The following MCF2L variants were observed in gnomAD, a reference collection of about 807,000 sequenced individuals.
MCF2L encodes MCF.2 cell line derived transforming sequence like.
Under a neutral mutation model 153.4 loss-of-function variants are expected in MCF2L, and 97 were observed. The ratio of observed to expected loss-of-function variants is 0.63; its 90% confidence interval spans 0.54 to 0.75. The LOEUF is 0.75. MCF2L is among the 30% of genes least tolerant of loss of function. The probability of loss-of-function intolerance (pLI) is 0.00; values close to 1 mark genes in which losing one functional copy is unlikely to be tolerated. For missense variants in MCF2L, 1,347 were observed against 1,495.2 expected, an observed-to-expected ratio of 0.90 and a Z score of 1.64; for synonymous variants, 659 against 632.2, an observed-to-expected ratio of 1.04 and a Z score of -0.64.
chr13:113,092,332 CG>C (rs1296126796), intron 26 of MCF2L, among the ~76,000 whole-genome samples: 1 of 152,178 alleles, frequency 6.6e-6, no homozygotes, highest in East Asian at 1.9e-4. Context: ...GTGTTGAAGC[CG>C]GGCCACTGCC....
chr13:113,095,394 G>C (rs545440014), intron 27 of MCF2L: 32 of 1,118,424 alleles, frequency 2.9e-5, no homozygotes, highest in East Asian at 2.4e-4. Context: ...GCCTGGGCGT[G>C]AGAACAGATG....
rs1046321430 is a variant in MCF2L at position 112,904,130 on chromosome 13, T to C, written c.169+1759T>C. Among the ~76,000 whole-genome samples the C allele has an allele frequency of 3.3e-5, 5 of 151,394 alleles. No individual in the cohort carries two copies. Among genetic ancestry groups the C allele is most frequent in the Non-Finnish European group, 7.4e-5 (5 of 67,842 alleles). On this transcript the variant is annotated intron_variant, in intron 2 of 29. Coordinates refer to the MCF2L transcript ENST00000375608. The surrounding 1 kb of genome is among the most constrained non-coding windows in gnomAD (Gnocchi z 4.2). ...CTGGGGACTGAGGAGCTGGCCGCGG[T>C]TAGGGTTAGGGTTAGAGGTTAAGGT...
chr13:112,913,788 T>C (rs150482407), intron 2 of MCF2L, among the ~76,000 whole-genome samples: 12 of 152,314 alleles, frequency 7.9e-5, no homozygotes, highest in African/African-American at 2.6e-4. Context: ...AATGTGTGCT[T>C]TTAAAAATGT....
At chr13:113,095,194 C>T in intron 27 of MCF2L, 1 of 1,242,570 alleles carries the variant, frequency 8.0e-7, no homozygotes, top group Non-Finnish European at 1.0e-6. Flanking sequence ...ATGTGTTAAT[C>T]ATTCCAGTGA....
At chr13:112,914,871 CTTTTTTTT>C (rs888314835) in intron 2 of MCF2L, among the ~76,000 whole-genome samples, 1 of 146,964 alleles carries the variant, frequency 6.8e-6, no homozygotes, top group South Asian at 2.1e-4. Flanking sequence ...CTTGACTTTC[CTTTTTTTT>C]TTTCTTTTGC....
At chr13:113,024,526 A>T in intron 2 of MCF2L, 118 bp from the exon 3 acceptor site, 1 of 643,704 alleles carries the variant, frequency 1.6e-6, no homozygotes, top group Non-Finnish European at 2.9e-6. Context: ...TGCAACGATG[A>T]AGAACATGCC....
At chr13:113,089,192 A>G (rs1475249602) in intron 25 of MCF2L, among the ~76,000 whole-genome samples, 1 of 109,782 alleles carries the variant, frequency 9.1e-6, no homozygotes, top group Non-Finnish European at 1.9e-5. Flanking sequence ...CCCCCCGAAA[A>G]AAAAAGCCTC....
chr13:112,936,098 A>G (rs913179943), intron 2 of MCF2L, among the ~76,000 whole-genome samples: 42 of 151,996 alleles, frequency 2.8e-4, no homozygotes, highest in Non-Finnish European at 2.9e-4. Flanking sequence ...TGGCCAACAT[A>G]GTGAAACCCC....
At position 112,943,243 on chromosome 13, in the gene MCF2L, C is replaced by T. The variant is rs1298551161; in HGVS notation, c.169+40872C>T. Among the ~76,000 whole-genome samples the T allele has an allele frequency of 1.3e-5, 2 of 152,192 alleles. No individual in the cohort carries two copies. Among genetic ancestry groups the T allele is most frequent in the East Asian group, 3.9e-4 (2 of 5,176 alleles). ...TTTCCCACTGGCACAGGTGGGGCGG[C>T]CACGCCTGTGCCCGCGGCGCCTGTG... On this transcript the variant is annotated intron_variant, in intron 2 of 29. Transcript: ENST00000375608. This position sits in a 1 kb window ranked among gnomAD's most constrained non-coding sequence, Gnocchi z 4.2.
At chr13:112,994,064 A>G (rs2083007443) in intron 1 of MCF2L, among the ~76,000 whole-genome samples, 1 of 152,190 alleles carries the variant, frequency 6.6e-6, no homozygotes, top group African/African-American at 2.4e-5. Context: ...CTGATTAAAA[A>G]AAAGCACCTT....
intron 5 of MCF2L, among the ~76,000 whole-genome samples, chr13:113,063,605 G>T (rs1016717169): frequency 1.3e-5 from 2 of 152,196 alleles, no homozygotes; most frequent in African/African-American, 4.8e-5. Context: ...ACCACAAAAT[G>T]GGTCTCCTGA....
chr13:113,033,063 CCCCTGTGACATTAGTGGA>C (rs1255621999), intron 3 of MCF2L, among the ~76,000 whole-genome samples: 5 of 139,052 alleles, frequency 3.6e-5, no homozygotes, highest in African/African-American at 1.4e-4. Flanking sequence ...ACGTGAGTGG[CCCCTGTGACATTAGTGGA>C]CCCCGTGGCA....
chr13:112,994,657 C>T (rs536697195), intron 1 of MCF2L, among the ~76,000 whole-genome samples: 1 of 152,210 alleles, frequency 6.6e-6, no homozygotes. Context: ...GCGGTGAGGC[C>T]GCGCGATGTC....
intron 26 of MCF2L, chr13:113,090,444 A>AC: frequency 1.1e-5 from 1 of 91,844 alleles, no homozygotes; most frequent in South Asian, 5.0e-4. Flanking sequence ...CCTGCCCCCC[A>AC]CCCCCGCCTT....
chr13:113,001,887 G>A lies in MCF2L; in HGVS notation c.80-12876G>A, dbSNP rs753856023. 2.0e-5 allele frequency: 31 copies of A among 1,579,864 alleles called. No individual in the cohort carries two copies. In the South Asian group the frequency reaches 2.3e-4, roughly 12 times the overall value. ...AGGGCGTTCCGGGAGCCGGGTCGGG[G>A]GCTCCTGACTCGCACTGGGCAGCAT... On this transcript the variant is annotated intron_variant, in intron 1 of 29. Coordinates refer to ENST00000535094, the MANE Select transcript of MCF2L (RefSeq NM_001112732.3).
chr13:112,986,436 C>T (rs1006320984), intron 1 of MCF2L, among the ~76,000 whole-genome samples: 8 of 152,328 alleles, frequency 5.3e-5, no homozygotes, highest in Non-Finnish European at 1.2e-4. Context: ...CAGCAGTAGA[C>T]GTCAGCACCA....
At chr13:112,923,294 T>A (rs1378099383) in intron 2 of MCF2L, among the ~76,000 whole-genome samples, 1 of 137,762 alleles carries the variant, frequency 7.3e-6, no homozygotes, top group Non-Finnish European at 1.5e-5. Context: ...GACGGAGTCT[T>A]GCTCTGTCAC....
At position 113,097,023 on chromosome 13, in the gene MCF2L, G is replaced by T. The variant is rs1227096964; in HGVS notation, c.*164G>T. The T allele has an allele frequency of 2.6e-5, 11 of 429,742 alleles. No homozygotes were observed. Among genetic ancestry groups the T allele is most frequent in the Non-Finnish European group, 3.5e-5 (9 of 256,708 alleles). 26.6% of individuals were successfully genotyped at this position (429,742 alleles called of 1,614,324 possible). A position where few individuals can be genotyped will look rare whatever the true frequency, so the allele number is the denominator to read the frequency against. On this transcript the variant is annotated 3_prime_UTR_variant, in exon 30 of 30. Coordinates refer to ENST00000535094, the MANE Select transcript of MCF2L (RefSeq NM_001112732.3). ...CCTCCGGGGCAGAGGCAGGTTCCAC[G>T]GAAGACCCCGGCCCGCTGGGGCTTC...
chr13:112,913,017 T>C (rs2081250619), intron 2 of MCF2L, among the ~76,000 whole-genome samples: 1 of 151,172 alleles, frequency 6.6e-6, no homozygotes, highest in South Asian at 2.1e-4. Context: ...TATCTCTGTG[T>C]CTGGGTGTGT....
Sources: allele counts gnomAD v4.1 joint callset (sites outside exome capture counted in the v4.1 genomes callset), GRCh38; gene constraint gnomAD v4.1.1; non-coding constraint Gnocchi (gnomAD v3.1); transcripts MANE v1.5; gene names NCBI Gene and HGNC (gene_info 2026-07-23, HGNC 2026-07-21).